RBM25: variants seen among roughly 807,000 people sequenced by gnomAD.
RBM25 encodes RNA binding motif protein 25, also known as RNA-binding protein 25.
In RBM25, 19 loss-of-function variants were observed where a neutral mutation model predicts 120.7. The observed-to-expected ratio is 0.16, with a 90% CI of 0.11 to 0.23. The LOEUF (loss-of-function observed/expected upper bound fraction) is 0.23. Ranked by LOEUF, RBM25 falls within the 10% of genes least tolerant of loss-of-function variation. RBM25 has a pLI of 1.00. For missense variants in RBM25, 605 were observed against 1,041.5 expected, an observed-to-expected ratio of 0.58 and a Z score of 5.77; for synonymous variants, 390 against 326.7, an observed-to-expected ratio of 1.19 and a Z score of -2.09.
chr14:73,097,361 C>T (rs559367114), intron 7 of RBM25, among the ~76,000 whole-genome samples: 10 of 151,940 alleles, frequency 6.6e-5, no homozygotes, highest in African/African-American at 1.7e-4. Flanking sequence ...CCACCATGCC[C>T]GGCTAATTTT....
intron 7 of RBM25, among the ~76,000 whole-genome samples, chr14:73,098,750 T>C (rs1896001770): frequency 6.6e-6 from 1 of 151,832 alleles, no homozygotes; most frequent in Non-Finnish European, 1.5e-5. Flanking sequence ...TTCAAGCGAT[T>C]CTCCTGCCTC....
intron 1 of RBM25, among the ~76,000 whole-genome samples, chr14:73,064,685 G>T (rs1432885530): frequency 6.6e-6 from 1 of 151,116 alleles, no homozygotes; most frequent in East Asian, 1.9e-4. Flanking sequence ...GAGCCACCGC[G>T]CCCAGGAGAG....
chr14:73,108,644 T>C (rs986793914), intron 13 of RBM25, among the ~76,000 whole-genome samples: 3 of 152,212 alleles, frequency 2.0e-5, no homozygotes, highest in Non-Finnish European at 2.9e-5. Context: ...TTGATACTAT[T>C]TTATCTCTAA....
intron 1 of RBM25, among the ~76,000 whole-genome samples, chr14:73,071,003 A>T (rs1453792218): frequency 1.3e-5 from 2 of 149,388 alleles, no homozygotes; most frequent in Non-Finnish European, 3.0e-5. Flanking sequence ...GCACTTTGGG[A>T]GGCCGAGGAG....
At chr14:73,116,487 C>CT (rs1156546012) in intron 18 of RBM25, among the ~76,000 whole-genome samples, 1 of 152,178 alleles carries the variant, frequency 6.6e-6, no homozygotes, top group African/African-American at 2.4e-5. Context: ...TTTCTGCTGC[C>CT]TAGCTAGCTT....
Position 73,112,257 on chromosome 14 carries a change from C to T in RBM25, c.2391+7C>T. 6.4e-7 allele frequency: 1 copy of T among 1,559,032 alleles called. No individual in the cohort carries two copies. Among genetic ancestry groups the T allele is most frequent in the Non-Finnish European group, 8.6e-7 (1 of 1,161,894 alleles). On this transcript the variant is annotated splice_region_variant and intron_variant, in intron 17 of 18. Transcript: ENST00000261973. ...TGATTTTGTTTGTTCTAAGGTTAGTCTTCTATTCTCTTCCATGCCAGCATT... is the reference window on the plus strand; with the variant it reads ...TGATTTTGTTTGTTCTAAGGTTAGTTTTCTATTCTCTTCCATGCCAGCATT...
At chr14:73,089,061 A>T (rs999216240) in intron 6 of RBM25, among the ~76,000 whole-genome samples, 1 of 152,144 alleles carries the variant, frequency 6.6e-6, no homozygotes, top group Admixed American at 6.5e-5. Context: ...GAATCGCTTG[A>T]ACTGCAGAGG....
intron 8 of RBM25, 105 bp from the exon 9 acceptor site, chr14:73,099,562 T>A: frequency 6.3e-7 from 1 of 1,585,960 alleles, no homozygotes. Context: ...ATATTCTGTT[T>A]ACTTATTTAC....
intron 6 of RBM25, among the ~76,000 whole-genome samples, chr14:73,089,069 A>G (rs1317054156): frequency 6.6e-6 from 1 of 152,188 alleles, no homozygotes; most frequent in Non-Finnish European, 1.5e-5. Flanking sequence ...TGAACTGCAG[A>G]GGCGGAGGTT....
intron 6 of RBM25, among the ~76,000 whole-genome samples, chr14:73,090,321 G>A (rs970728362): frequency 2.0e-5 from 3 of 152,234 alleles, no homozygotes; most frequent in Non-Finnish European, 4.4e-5. Context: ...AAAGTGCTGG[G>A]ATTACAGGCG....
Position 73,111,174 on chromosome 14 carries a change from CCTT to C in RBM25, c.2017+23_2017+25del. On this transcript the variant is annotated intron_variant, in intron 15 of 18. Coordinates refer to ENST00000261973, the MANE Select transcript of RBM25 (RefSeq NM_021239.3). Reference sequence around the variant, plus strand: ...AAACTGGGTACGTTAGCATTTCCTTCCTTCTTTATTTTCTTCCCTTCACCCCTG... The same window carrying C: ...AAACTGGGTACGTTAGCATTTCCTTCCTTTATTTTCTTCCCTTCACCCCTG... 1.3e-6 allele frequency: 2 copies of C among 1,565,588 alleles called. No homozygotes were observed. Among genetic ancestry groups the C allele is most frequent in the Non-Finnish European group, 8.8e-7 (1 of 1,139,908 alleles).
At chr14:73,101,472 A>C (rs1476710866) in intron 9 of RBM25, 1 of 70,648 alleles carries the variant, frequency 1.4e-5, no homozygotes, top group East Asian at 5.0e-4. Flanking sequence ...AAAAATATAC[A>C]TGTATGTTTA....
chr14:73,117,505 A>G (rs1594939886), intron 18 of RBM25, among the ~76,000 whole-genome samples: 2 of 152,206 alleles, frequency 1.3e-5, no homozygotes, highest in African/African-American at 4.8e-5. Context: ...TGCTGGGATT[A>G]CAGGCGTGAG....
chr14:73,118,615 AAGT>A (rs1412981667), intron 18 of RBM25, among the ~76,000 whole-genome samples: 2 of 152,220 alleles, frequency 1.3e-5, no homozygotes, highest in East Asian at 3.9e-4. Context: ...TTTCCTTGGG[AAGT>A]AGTTTTGTCA....
chr14:73,086,720 T>C (rs537584547), intron 5 of RBM25, among the ~76,000 whole-genome samples: 2 of 152,312 alleles, frequency 1.3e-5, no homozygotes, highest in Admixed American at 1.3e-4. Context: ...TTTCTTTTTT[T>C]TTGAGACAGG....
intron 18 of RBM25, among the ~76,000 whole-genome samples, chr14:73,118,660 AAATAAAAG>A (rs1258008683): frequency 6.6e-6 from 1 of 152,168 alleles, no homozygotes; most frequent in African/African-American, 2.4e-5. Context: ...TGTAAAGGTA[AAATAAAAG>A]AATAAAAGGT....
intron 6 of RBM25, among the ~76,000 whole-genome samples, chr14:73,093,126 A>G (rs1895855524): frequency 6.6e-6 from 1 of 152,238 alleles, no homozygotes; most frequent in African/African-American, 2.4e-5. Flanking sequence ...CATAGTTATT[A>G]ACCATATATT....
intron 8 of RBM25, 22 bp from the exon 9 acceptor site, chr14:73,099,645 T>C: frequency 6.3e-7 from 1 of 1,592,558 alleles, no homozygotes; most frequent in Non-Finnish European, 8.5e-7. Context: ...ATTCATTCCC[T>C]CCTGTGCCCG....
chr14:73,092,103 A>G (rs188212957), intron 6 of RBM25, among the ~76,000 whole-genome samples: 31 of 152,286 alleles, frequency 2.0e-4, no homozygotes, highest in African/African-American at 7.0e-4. Context: ...AGGTTAAAAA[A>G]GCATTCTATC....
Sources: allele counts gnomAD v4.1 joint callset (sites outside exome capture counted in the v4.1 genomes callset), GRCh38; gene constraint gnomAD v4.1.1; transcripts MANE v1.5; gene names NCBI Gene and HGNC (gene_info 2026-07-23, HGNC 2026-07-21).